Variants in PSD3 observed in about 807,000 individuals in gnomAD.
PSD3 encodes PH and SEC7 domain-containing protein 3.
PSD3 carries 49 observed loss-of-function variants against 105.5 expected under a neutral mutation model. That is an observed-to-expected ratio of 0.46 (90% CI 0.37 to 0.59). PSD3 has a LOEUF of 0.59. Ranked by LOEUF, PSD3 falls within the 20% of genes least tolerant of loss-of-function variation. The pLI, the probability that PSD3 is intolerant of heterozygous loss-of-function variation, is 0.00. For missense variants in PSD3, 1,561 were observed against 1,263.8 expected, an observed-to-expected ratio of 1.24 and a Z score of -3.57; for synonymous variants, 557 against 457.8, an observed-to-expected ratio of 1.22 and a Z score of -2.77.
At chr8:18,662,283 G>A (rs1270129816) in intron 9 of PSD3, among the ~76,000 whole-genome samples, 1 of 152,122 alleles carries the variant, frequency 6.6e-6, no homozygotes, top group African/African-American at 2.4e-5. Context: ...AGGCTAGGGA[G>A]GCATTATGCT....
At chr8:18,821,324 C>G (rs1172088880) in intron 4 of PSD3, among the ~76,000 whole-genome samples, 1 of 151,908 alleles carries the variant, frequency 6.6e-6, no homozygotes, top group Non-Finnish European at 1.5e-5. Flanking sequence ...TTTGTAAGCA[C>G]TGCTATTATT....
intron 12 of PSD3, among the ~76,000 whole-genome samples, chr8:18,589,177 C>G (rs527529117): frequency 3.3e-5 from 5 of 152,242 alleles, no homozygotes; most frequent in Non-Finnish European, 5.9e-5. Flanking sequence ...GAGTAGCTGA[C>G]TTATAAACTA....
intron 10 of PSD3, among the ~76,000 whole-genome samples, chr8:18,637,665 T>C (rs1365870073): frequency 2.0e-5 from 3 of 152,370 alleles, no homozygotes; most frequent in African/African-American, 7.2e-5. Context: ...GCCAGTTTGT[T>C]TATCTATTCA....
intron 15 of PSD3, among the ~76,000 whole-genome samples, chr8:18,538,791 C>A (rs1435071421): frequency 1.3e-5 from 2 of 152,176 alleles, no homozygotes; most frequent in Admixed American, 6.5e-5. Context: ...TTTACAGCTC[C>A]AGCTGCAAAG....
intron 10 of PSD3, 88 bp downstream of exon 10, chr8:18,655,554 C>T (rs977179955): frequency 7.2e-6 from 9 of 1,258,284 alleles, no homozygotes; most frequent in Non-Finnish European, 9.3e-6. Context: ...CATATTTAAT[C>T]CTTCTCTAAG....
intron 1 of PSD3, among the ~76,000 whole-genome samples, chr8:19,062,303 C>T (rs558655575): frequency 3.9e-5 from 6 of 152,250 alleles, no homozygotes; most frequent in African/African-American, 1.4e-4. Context: ...ACTGGTGTTC[C>T]TCTCAGTGTG....
At chr8:18,539,727 T>C (rs141591859) in intron 15 of PSD3, among the ~76,000 whole-genome samples, 3 of 151,960 alleles carry the variant, frequency 2.0e-5, no homozygotes, top group African/African-American at 7.2e-5. Context: ...TTTTTTGTGT[T>C]AGTAGAGACA....
In PSD3 at chr8:18,842,731, TAA is replaced by T. The variant is rs144604228; in HGVS notation, c.1634+24941_1634+24942del. On this transcript the variant is annotated intron_variant, in intron 4 of 15. Coordinates refer to ENST00000327040, the MANE Select transcript of PSD3 (RefSeq NM_015310.4). ...CTGGGCGACAAAGCGAGACTCCGTC[TAA>T]AAAAAAAAAAATTGTATGGCTTTAC... Among the ~76,000 whole-genome samples the T allele has an allele frequency of 9.1e-4, 135 of 147,636 alleles. 2 individuals are homozygous for T. Among genetic ancestry groups the T allele is most frequent in the African/African-American group, 3.1e-3 (123 of 39,948 alleles).
chr8:18,604,253 T>C (rs1173561377), intron 11 of PSD3, among the ~76,000 whole-genome samples: 1 of 152,150 alleles, frequency 6.6e-6, no homozygotes, highest in Non-Finnish European at 1.5e-5. Context: ...AATGAGGAAC[T>C]TACTGGGAAC....
intron 8 of PSD3, among the ~76,000 whole-genome samples, chr8:18,776,479 G>T (rs531842272): frequency 9.9e-5 from 15 of 151,660 alleles, no homozygotes; most frequent in African/African-American, 3.4e-4. Context: ...TACCTCCTAG[G>T]TTCAAGTGAT....
chr8:18,744,585 T>C (rs963454927), intron 9 of PSD3, among the ~76,000 whole-genome samples: 11 of 152,348 alleles, frequency 7.2e-5, no homozygotes, highest in Admixed American at 2.6e-4. Context: ...CTACCCAGCA[T>C]CTTTCTTTTT....
intron 1 of PSD3, among the ~76,000 whole-genome samples, chr8:18,981,470 G>A (rs1163446728): frequency 6.6e-6 from 1 of 152,158 alleles, no homozygotes; most frequent in Non-Finnish European, 1.5e-5. Flanking sequence ...GGAAAATAGA[G>A]ATAACCATAA....
chr8:19,002,119 T>A (rs982942066), intron 1 of PSD3, among the ~76,000 whole-genome samples: 3 of 151,928 alleles, frequency 2.0e-5, no homozygotes, highest in African/African-American at 4.8e-5. Context: ...AAAAGGAACA[T>A]CCCTTGAAGG....
At chr8:18,591,974 G>C (rs1803645503) in intron 12 of PSD3, among the ~76,000 whole-genome samples, 2 of 152,132 alleles carry the variant, frequency 1.3e-5, no homozygotes, top group Admixed American at 6.5e-5. Flanking sequence ...CTCTATACTG[G>C]AAGAGGTGGC....
chr8:18,825,458 C>A (rs993340658), intron 4 of PSD3, among the ~76,000 whole-genome samples: 1 of 152,180 alleles, frequency 6.6e-6, no homozygotes, highest in Non-Finnish European at 1.5e-5. Context: ...TCAGTGTCCA[C>A]TGGCTATAAG....
upstream of PSD3, among the ~76,000 whole-genome samples, chr8:19,016,953 T>C (rs1827197114): frequency 6.6e-6 from 1 of 152,158 alleles, no homozygotes; most frequent in Non-Finnish European, 1.5e-5. Context: ...GCCCCACCTC[T>C]TAGTCCTATT....
chr8:18,914,776 T>C lies in PSD3; in HGVS notation c.130+21258A>G, dbSNP rs368162916. On this transcript the variant is annotated intron_variant, in intron 2 of 15. Coordinates refer to ENST00000327040, the MANE Select transcript of PSD3 (RefSeq NM_015310.4). ...TGAAAGAATTGTTAAAATGTCCCTA[T>C]TACCTAAAGCAATCTACAGATCCAA... Among the ~76,000 whole-genome samples, 47 of 152,300 alleles carry C rather than the reference T, an allele frequency of 3.1e-4. 1 individual carries two copies. The East Asian group carries it at 8.7e-3, about 28-fold the overall frequency.
intron 15 of PSD3, among the ~76,000 whole-genome samples, chr8:18,537,813 A>T (rs1585194658): frequency 6.6e-6 from 1 of 152,218 alleles, no homozygotes; most frequent in Non-Finnish European, 1.5e-5. Context: ...AGTGTCTAGG[A>T]TTACAGGCGC....
intron 14 of PSD3, among the ~76,000 whole-genome samples, chr8:18,562,047 G>A (rs1301764557): frequency 6.6e-6 from 1 of 152,210 alleles, no homozygotes; most frequent in Non-Finnish European, 1.5e-5. Flanking sequence ...AATGCAGATG[G>A]CTCCAAGAGG....
Sources: gnomAD v4.1 joint callset for allele counts (sites outside exome capture counted in the v4.1 genomes callset) on GRCh38, gnomAD v4.1.1 for gene constraint, MANE v1.5 for transcripts, NCBI Gene and HGNC (gene_info 2026-07-23, HGNC 2026-07-21) for gene names.